Variants in PDE12 observed in about 807,000 individuals in gnomAD.
PDE12 encodes the protein 2',5'-phosphodiesterase 12.
PDE12 carries 26 observed loss-of-function variants against 45.4 expected under a neutral mutation model. The ratio of observed to expected loss-of-function variants is 0.57; its 90% confidence interval spans 0.42 to 0.79. The LOEUF (loss-of-function observed/expected upper bound fraction) is 0.79, where lower values mean the gene tolerates loss of function less well. PDE12 is among the 30% of genes least tolerant of loss of function. The pLI, the probability that PDE12 is intolerant of heterozygous loss-of-function variation, is 0.00. For synonymous variants in PDE12, 283 were observed against 323.9 expected (o/e 0.87, Z 1.36); for missense variants, 668 against 790.0 (o/e 0.85, Z 1.85).
the PDE12 span, among the ~76,000 whole-genome samples, chr3:57,642,588 T>C: frequency 3.3e-5 from 5 of 152,078 alleles, no homozygotes; most frequent in African/African-American, 4.8e-5. Flanking sequence ...AATGAGAATA[T>C]TGTTGCCCGA....
the PDE12 span, chr3:57,596,869 C>T: frequency 1.7e-6 from 1 of 579,980 alleles, no homozygotes; most frequent in Non-Finnish European, 3.1e-6. Context: ...AGCCCTGTCC[C>T]TGTCTCGTCT....
At chr3:57,604,501 C>A in the PDE12 span, among the ~76,000 whole-genome samples, 1 of 151,942 alleles carries the variant, frequency 6.6e-6, no homozygotes. Context: ...GTGGCCCACA[C>A]TTGTAGTCCC....
At chr3:57,582,230 A>G in the PDE12 span, among the ~76,000 whole-genome samples, 1 of 151,610 alleles carries the variant, frequency 6.6e-6, no homozygotes, top group Non-Finnish European at 1.5e-5. Context: ...TATATTGATG[A>G]CCATAAACAT....
At chr3:57,611,840 A>G in the PDE12 span, among the ~76,000 whole-genome samples, 1 of 152,192 alleles carries the variant, frequency 6.6e-6, no homozygotes, top group Admixed American at 6.5e-5. Context: ...TTTGTCAAGG[A>G]TCTAAAACTA....
At chr3:57,611,771 T>A in the PDE12 span, among the ~76,000 whole-genome samples, 1 of 152,132 alleles carries the variant, frequency 6.6e-6, no homozygotes, top group Non-Finnish European at 1.5e-5. Context: ...ATAGGAACAC[T>A]TTTACACTGT....
the PDE12 span, chr3:57,596,679 G>T: frequency 1.0e-5 from 2 of 199,136 alleles, no homozygotes; most frequent in Non-Finnish European, 2.1e-5. Context: ...GAGTTGCTCT[G>T]CCTCCCTCCT....
the PDE12 span, among the ~76,000 whole-genome samples, chr3:57,598,778 TAAAAA>T: frequency 6.6e-6 from 1 of 151,922 alleles, no homozygotes; most frequent in Non-Finnish European, 1.5e-5. Context: ...GAGACTGTCT[TAAAAA>T]AACAAACAAC....
chr3:57,618,382 T>C, the PDE12 span, among the ~76,000 whole-genome samples: 5 of 152,142 alleles, frequency 3.3e-5, no homozygotes, highest in Admixed American at 3.3e-4. Context: ...TCTCAATAGA[T>C]GCAGATACAA....
At chr3:57,589,149 C>T in the PDE12 span, among the ~76,000 whole-genome samples, 5 of 152,006 alleles carry the variant, frequency 3.3e-5, no homozygotes, top group East Asian at 9.7e-4. Flanking sequence ...TGCCTGTAGT[C>T]CCAGCTACTG....
chr3:57,559,815 T>C lies in PDE12; in HGVS notation c.1641T>C (p.Pro547=). The part of the protein sequence containing the change: ...FFKLKSACGE[P]AYTNYVGGFH... ...AGCTGAAAAGTGCTTGTGGTGAACC[T>C]GCTTACACAAATTATGTTGGTGGCT... The change falls in exon 3 of 3, where the codon CCT becomes CCC. Residue 547 remains proline, a synonymous_variant. Transcript: ENST00000311180. The C allele has an allele frequency of 6.2e-7, 1 of 1,614,220 alleles. No homozygotes were observed. Among genetic ancestry groups the C allele is most frequent in the Non-Finnish European group, 8.5e-7 (1 of 1,180,026 alleles).
the PDE12 span, among the ~76,000 whole-genome samples, chr3:57,572,557 CTTT>C: frequency 6.6e-6 from 1 of 152,030 alleles, no homozygotes; most frequent in Non-Finnish European, 1.5e-5. Context: ...TTTGTCTCTA[CTTT>C]TTTAGATTAA....
the PDE12 span, chr3:57,628,245 T>G: frequency 6.2e-7 from 1 of 1,613,924 alleles, no homozygotes; most frequent in Non-Finnish European, 8.5e-7. Flanking sequence ...CAGTATGCCT[T>G]GCAAGTCCTC....
the PDE12 span, among the ~76,000 whole-genome samples, chr3:57,582,764 TA>T: frequency 3.8e-5 from 5 of 131,314 alleles, no homozygotes; most frequent in African/African-American, 5.4e-5. Context: ...TATTAAGTAA[TA>T]AAAAAAAACT....
In PDE12 at chr3:57,566,169, C is replaced by CCTAG. The variant is rs904456391; in HGVS notation, c.*6168_*6171dup. The CCTAG allele has an allele frequency of 1.3e-5, 2 of 152,144 alleles. No individual in the cohort carries two copies. The highest frequency in any genetic ancestry group is 2.9e-5 in the Non-Finnish European group (2 of 68,048). 9.4% of individuals were successfully genotyped at this position (152,144 alleles called of 1,614,324 possible). On this transcript the variant is annotated 3_prime_UTR_variant, in exon 3 of 3. Coordinates refer to ENST00000311180, the MANE Select transcript of PDE12 (RefSeq NM_177966.7). ...CACTTGGCAGTCACTCCCCATTCTC[C>CCTAG]CTAGCTCCTGGCAACAACTTAACCT...
the PDE12 span, among the ~76,000 whole-genome samples, chr3:57,576,516 T>G: frequency 2.7e-5 from 4 of 150,770 alleles, no homozygotes; most frequent in East Asian, 7.8e-4. Flanking sequence ...TTTTTTTTTT[T>G]TTTTTTTTTT....
chr3:57,628,119 C>A, the PDE12 span: 1 of 1,513,668 alleles, frequency 6.6e-7, no homozygotes, highest in South Asian at 1.3e-5. Flanking sequence ...TTTTCCACTC[C>A]GCTGCCACTG....
chr3:57,577,123 T>G, the PDE12 span, among the ~76,000 whole-genome samples: 1 of 152,102 alleles, frequency 6.6e-6, no homozygotes, highest in Non-Finnish European at 1.5e-5. Flanking sequence ...TTCCATGTGT[T>G]TTTTAAAACG....
chr3:57,575,887 T>G, the PDE12 span, among the ~76,000 whole-genome samples: 7 of 152,222 alleles, frequency 4.6e-5, no homozygotes, highest in African/African-American at 9.6e-5. Context: ...CAGAACTGTT[T>G]TCCAAGTCAA....
chr3:57,606,757 G>C, the PDE12 span, among the ~76,000 whole-genome samples: 3 of 152,118 alleles, frequency 2.0e-5, no homozygotes, highest in African/African-American at 7.2e-5. Flanking sequence ...ACTGAAGGTA[G>C]ACTAGTAAAT....
Sources: allele counts gnomAD v4.1 joint callset (sites outside exome capture counted in the v4.1 genomes callset), GRCh38; gene constraint gnomAD v4.1.1; transcripts MANE v1.5; gene names NCBI Gene and HGNC (gene_info 2026-07-23, HGNC 2026-07-21).